NUP153: variants seen among roughly 807,000 people sequenced by gnomAD.
NUP153 encodes nuclear pore complex protein Nup153.
In NUP153, 27 loss-of-function variants were observed where a neutral mutation model predicts 134.6. The ratio of observed to expected loss-of-function variants is 0.20; its 90% CI spans 0.15 to 0.28. The LOEUF is 0.28. NUP153 is among the 10% of genes least tolerant of loss of function. The pLI, the probability that NUP153 is intolerant of heterozygous loss-of-function variation, is 1.00. For missense variants in NUP153, 1,821 were observed against 1,731.3 expected (o/e 1.05, Z -0.92); for synonymous variants, 640 against 623.5 (o/e 1.03, Z -0.40).
chr6:17,675,826 C>T lies in NUP153; in HGVS notation c.335-56G>A, dbSNP rs919720200. 4.5e-6 allele frequency: 7 copies of T among 1,542,888 alleles called. No individual in the cohort carries two copies. In the South Asian group the frequency reaches 6.8e-5, roughly 15 times the overall value. On this transcript the variant is annotated intron_variant, in intron 2 of 21. Transcript: ENST00000262077. This position sits in a 1 kb window ranked among gnomAD's most constrained non-coding sequence, Gnocchi z 4.4. ...TACAACTTAGAGCGATACACTACCA[C>T]AAATGGTTTTTACTTTAAGAAAACA... is the stretch of plus-strand genomic sequence containing the variant.
chr6:17,626,187 CA>C (rs753831105), intron 18 of NUP153, 23 bp from the exon 19 acceptor site: 12 of 1,563,184 alleles, frequency 7.7e-6, no homozygotes, highest in Non-Finnish European at 1.1e-5. Context: ...AATTAAGAAA[CA>C]AACATAAATC....
chr6:17,633,036 CTCTTTTAACCTTATAAATGATT>C (rs1765344175), intron 16 of NUP153, among the ~76,000 whole-genome samples, 192 bp from the exon 17 acceptor site: 1 of 152,150 alleles, frequency 6.6e-6, no homozygotes, highest in Non-Finnish European at 1.5e-5. Context: ...GAATAGACCT[CTCTTTTAACCTTATAAATGATT>C]TCTTTTAACC....
intron 16 of NUP153, among the ~76,000 whole-genome samples, chr6:17,633,748 T>G (rs1765379291): frequency 6.6e-6 from 1 of 152,184 alleles, no homozygotes; most frequent in South Asian, 2.1e-4. Context: ...CATTCTGGTA[T>G]TCCTACTTCT....
intron 20 of NUP153, 26 bp downstream of exon 20, chr6:17,624,535 T>C (rs1257910162): frequency 6.2e-7 from 1 of 1,609,780 alleles, no homozygotes. Flanking sequence ...CCCATACAGA[T>C]ACTAACAGCA....
At chr6:17,626,366 T>C (rs1229642741) in intron 18 of NUP153, among the ~76,000 whole-genome samples, 1 of 152,206 alleles carries the variant, frequency 6.6e-6, no homozygotes, top group African/African-American at 2.4e-5. Flanking sequence ...CTTTTATAGC[T>C]TATGGATTTT....
chr6:17,675,117 C>A lies in NUP153; in HGVS notation c.724-84G>T, dbSNP rs1359373811. 2 of 1,539,008 alleles carry A rather than the reference C, an allele frequency of 1.3e-6. No homozygotes were observed. The highest frequency in any genetic ancestry group is 2.8e-5 in the African/African-American group (2 of 71,834). Reference sequence around the variant, plus strand: ...AGTGAGTTAAGATCATGCTGCTACACACTCAAGCCTGGGCAACAGCAAAAG... The same window carrying A: ...AGTGAGTTAAGATCATGCTGCTACAAACTCAAGCCTGGGCAACAGCAAAAG... On this transcript the variant is annotated intron_variant, in intron 4 of 21. Transcript: ENST00000262077. The surrounding 1 kb of genome is among the most constrained non-coding windows in gnomAD (Gnocchi z 4.4).
In NUP153 at chr6:17,632,847, A is replaced by T. The variant is rs780722372; in HGVS notation, c.2465-3T>A. 4.2e-5 allele frequency: 32 copies of T among 754,096 alleles called. No individual in the cohort carries two copies. The highest frequency in any genetic ancestry group is 1.3e-4 in the African/African-American group (4 of 30,914). The allele number at this position is 754,096 out of a possible 1,614,324, so 46.7% of individuals were successfully genotyped here. On this transcript the variant is annotated splice_region_variant and splice_polypyrimidine_tract_variant and intron_variant, in intron 16 of 21. Coordinates refer to ENST00000262077, the MANE Select transcript of NUP153 (RefSeq NM_005124.4). Reference sequence around the variant, plus strand: ...ACTTGAAGCAGGTACTGAACTTCCTAAAAAAAAAAAAAAAAACGGGGAGTG... The same window carrying T: ...ACTTGAAGCAGGTACTGAACTTCCTTAAAAAAAAAAAAAAAACGGGGAGTG...
At chr6:17,689,595 G>A (rs1249582412) in intron 1 of NUP153, among the ~76,000 whole-genome samples, 6 of 150,310 alleles carry the variant, frequency 4.0e-5, no homozygotes, top group Non-Finnish European at 5.9e-5. Context: ...GGAGTGCAAC[G>A]GTGCGATCTC....
chr6:17,700,517 C>T (rs1284907969), intron 1 of NUP153, among the ~76,000 whole-genome samples: 2 of 152,062 alleles, frequency 1.3e-5, no homozygotes, highest in Non-Finnish European at 2.9e-5. Context: ...TAGGATAAAG[C>T]AAATAAGGAT....
intron 20 of NUP153, among the ~76,000 whole-genome samples, chr6:17,622,760 T>C (rs1764710332): frequency 6.6e-6 from 1 of 152,136 alleles, no homozygotes; most frequent in Admixed American, 6.5e-5. Flanking sequence ...TAGAAAGTTA[T>C]AGTATACCAT....
intron 11 of NUP153, among the ~76,000 whole-genome samples, chr6:17,656,536 G>A (rs1475065244): frequency 6.6e-6 from 1 of 152,090 alleles, no homozygotes; most frequent in Non-Finnish European, 1.5e-5. Flanking sequence ...CACCATGCCT[G>A]GTTAATTTTT....
chr6:17,703,595 G>T (rs577331340), intron 1 of NUP153, among the ~76,000 whole-genome samples: 10 of 151,716 alleles, frequency 6.6e-5, no homozygotes, highest in Non-Finnish European at 1.3e-4. Flanking sequence ...CAGCAAGTGG[G>T]TAGACCCTAT....
chr6:17,688,650 T>C (rs907261789), intron 1 of NUP153, 32 bp from the exon 2 acceptor site: 3 of 1,529,410 alleles, frequency 2.0e-6, no homozygotes, highest in African/African-American at 1.4e-5. Context: ...TATGACAGTT[T>C]TAGAAATTTA....
intron 20 of NUP153, among the ~76,000 whole-genome samples, chr6:17,622,028 G>A (rs1192752448): frequency 6.6e-6 from 1 of 151,972 alleles, no homozygotes; most frequent in East Asian, 1.9e-4. Flanking sequence ...ATATTTCTAT[G>A]TATGACAAAA....
chr6:17,634,525 C>A (rs1765422689), intron 16 of NUP153, among the ~76,000 whole-genome samples: 1 of 152,126 alleles, frequency 6.6e-6, no homozygotes, highest in Non-Finnish European at 1.5e-5. Context: ...CAACCTCCAC[C>A]TCCCAGGTTC....
rs1468634622 is a variant in NUP153 at position 17,629,221 on chromosome 6, A to G, written c.2978T>C (p.Val993Ala). 1 of 1,613,628 alleles carries G rather than the reference A, an allele frequency of 6.2e-7. No individual in the cohort carries two copies. Among genetic ancestry groups the G allele is most frequent in the Non-Finnish European group, 8.5e-7 (1 of 1,179,892 alleles). Residue 993 changes from valine (V) to alanine (A), a missense_variant, in exon 18 of 22, where the codon GTT (valine) becomes GCT (alanine). Val to Ala is a moderately conservative substitution (Grantham distance 64). Transcript: ENST00000262077. ...CCCAAATTGAAATGGAGTTAAAGAA[A>G]CTGGGTTGCTTAAACCAGAAGAAAG... ...FGLSSGLSNP[V>A]SLTPFQFGVS...
chr6:17,657,147 A>C (rs941197386), intron 11 of NUP153, among the ~76,000 whole-genome samples: 4 of 152,238 alleles, frequency 2.6e-5, no homozygotes, highest in Middle Eastern at 3.4e-3. Context: ...TTTATAGCTT[A>C]GTTTTGGCTG....
intron 2 of NUP153, among the ~76,000 whole-genome samples, chr6:17,679,095 C>G (rs1476968995): frequency 6.6e-6 from 1 of 151,930 alleles, no homozygotes; most frequent in South Asian, 2.1e-4. Context: ...AACGAAACTA[C>G]AACATAATAA....
At chr6:17,688,763 T>C (rs1769101923) in intron 1 of NUP153, 145 bp from the exon 2 acceptor site, 1 of 615,952 alleles carries the variant, frequency 1.6e-6, no homozygotes, top group East Asian at 2.7e-5. Context: ...ACTGCTAACA[T>C]AATGGTTTTT....
Sources: allele counts gnomAD v4.1 joint callset (sites outside exome capture counted in the v4.1 genomes callset), GRCh38; gene constraint gnomAD v4.1.1; non-coding constraint Gnocchi (gnomAD v3.1); transcripts MANE v1.5; gene names NCBI Gene and HGNC (gene_info 2026-07-23, HGNC 2026-07-21).